SH3GL2: variants seen among roughly 807,000 people sequenced by gnomAD.
SH3GL2 encodes endophilin-A1.
A neutral mutation model predicts 46.0 loss-of-function variants in SH3GL2; 24 were observed. That is an observed-to-expected ratio of 0.52 (90% CI 0.38 to 0.73). The LOEUF (loss-of-function observed/expected upper bound fraction) is 0.73, where lower values mean the gene tolerates loss of function less well. Among genes scored for constraint, SH3GL2 ranks in the 30% least tolerant of loss-of-function variants. SH3GL2 has a pLI of 0.00. For missense variants in SH3GL2, 413 were observed against 424.2 expected, an observed-to-expected ratio of 0.97 and a Z score of 0.23; for synonymous variants, 196 against 147.1, an observed-to-expected ratio of 1.33 and a Z score of -2.40.
At chr9:17,691,561 C>G (rs1162704308) in intron 1 of SH3GL2, among the ~76,000 whole-genome samples, 2 of 152,016 alleles carry the variant, frequency 1.3e-5, no homozygotes, top group Non-Finnish European at 2.9e-5. Context: ...GCGTATGACT[C>G]CCACATGTTG....
chr9:17,695,208 C>A (rs1821173353), intron 1 of SH3GL2, among the ~76,000 whole-genome samples: 1 of 152,040 alleles, frequency 6.6e-6, no homozygotes, highest in South Asian at 2.1e-4. Context: ...TGTCTTGTAG[C>A]ATAAGATGAA....
chr9:17,689,472 T>G (rs1344554877), intron 1 of SH3GL2, among the ~76,000 whole-genome samples: 1 of 152,094 alleles, frequency 6.6e-6, no homozygotes, highest in African/African-American at 2.4e-5. Context: ...ACAGTGCTAA[T>G]AAGAGGGGAC....
chr9:17,738,661 G>GAGAGAGAC (rs1554645346), intron 1 of SH3GL2, among the ~76,000 whole-genome samples: 9,223 of 131,958 alleles, frequency 0.07, 438 homozygotes, highest in South Asian at 0.097. Flanking sequence ...GAGAGAGAGA[G>GAGAGAGAC]AGAGAGAGAG....
intron 1 of SH3GL2, among the ~76,000 whole-genome samples, chr9:17,644,479 A>G (rs1202398242): frequency 1.3e-5 from 2 of 152,072 alleles, no homozygotes; most frequent in East Asian, 3.9e-4. Flanking sequence ...CTATAAATTT[A>G]CCTGTAAACA....
At chr9:17,587,035 C>G (rs576944123) in intron 1 of SH3GL2, among the ~76,000 whole-genome samples, 52 of 152,182 alleles carry the variant, frequency 3.4e-4, no homozygotes, top group Non-Finnish European at 7.4e-4. Flanking sequence ...AACCTCGTCT[C>G]TACTAAAAAT....
Position 17,760,727 on chromosome 9 carries a change from A to T in SH3GL2, c.115-710A>T, listed in dbSNP as rs186660926. ...TCATTTACCATGTAGGGCGAATAGGAGGCCCACAGATGCTGATAAGAAAAG... is the reference window on the plus strand; with the variant it reads ...TCATTTACCATGTAGGGCGAATAGGTGGCCCACAGATGCTGATAAGAAAAG... On this transcript the variant is annotated intron_variant, in intron 2 of 8. Transcript: ENST00000380607. Among the ~76,000 whole-genome samples the T allele has an allele frequency of 7.9e-5, 12 of 152,316 alleles. No homozygotes were observed. In the East Asian group the frequency reaches 2.3e-3, roughly 29 times the overall value.
chr9:17,736,708 G>A (rs754748180), intron 1 of SH3GL2, among the ~76,000 whole-genome samples: 1 of 152,124 alleles, frequency 6.6e-6, no homozygotes, highest in Non-Finnish European at 1.5e-5. Context: ...TCGGCTTGCA[G>A]TTTGTCCCTG....
At chr9:17,629,588 TAA>T (rs1293262357) in intron 1 of SH3GL2, among the ~76,000 whole-genome samples, 2 of 152,344 alleles carry the variant, frequency 1.3e-5, no homozygotes, top group South Asian at 2.1e-4. Context: ...TTTTCCTAAC[TAA>T]AGGATTGTTT....
At chr9:17,590,479 A>G (rs1437159327) in intron 1 of SH3GL2, 1 of 152,252 alleles carries the variant, frequency 6.6e-6, no homozygotes, top group Non-Finnish European at 1.5e-5. Flanking sequence ...AAACAGTAAA[A>G]CTGTTTTCCA....
chr9:17,610,522 G>A (rs1040939806), intron 1 of SH3GL2, among the ~76,000 whole-genome samples: 4 of 152,204 alleles, frequency 2.6e-5, no homozygotes, highest in African/African-American at 9.7e-5. Flanking sequence ...TAAGATCATT[G>A]TTTAACATTG....
At chr9:17,646,296 G>C (rs1819815582) in intron 1 of SH3GL2, among the ~76,000 whole-genome samples, 1 of 151,892 alleles carries the variant, frequency 6.6e-6, no homozygotes, top group African/African-American at 2.4e-5. Flanking sequence ...AAAGTTCTTA[G>C]CTTCCTTGCA....
intron 1 of SH3GL2, among the ~76,000 whole-genome samples, chr9:17,679,917 A>G (rs1201314648): frequency 6.6e-6 from 1 of 152,132 alleles, no homozygotes; most frequent in Non-Finnish European, 1.5e-5. Context: ...TTCTGTTTAT[A>G]TGCTGGATTA....
intron 1 of SH3GL2, among the ~76,000 whole-genome samples, chr9:17,740,135 A>T (rs981945330): frequency 6.6e-6 from 1 of 152,122 alleles, no homozygotes; most frequent in Non-Finnish European, 1.5e-5. Context: ...CAATTTTTTG[A>T]TAGTGAGAAA....
intron 1 of SH3GL2, among the ~76,000 whole-genome samples, chr9:17,711,345 T>C (rs1276261800): frequency 2.0e-5 from 3 of 152,030 alleles, no homozygotes; most frequent in African/African-American, 7.2e-5. Flanking sequence ...ACTGTACTTA[T>C]TTAAAGCATA....
chr9:17,755,334 G>A (rs1188122932), intron 2 of SH3GL2, among the ~76,000 whole-genome samples: 2 of 152,162 alleles, frequency 1.3e-5, no homozygotes, highest in Non-Finnish European at 2.9e-5. Context: ...CAGGGATAAA[G>A]CCTACTTGAT....
chr9:17,680,112 C>G (rs1457657821), intron 1 of SH3GL2, among the ~76,000 whole-genome samples: 1 of 151,854 alleles, frequency 6.6e-6, no homozygotes, highest in Non-Finnish European at 1.5e-5. Context: ...TGTCTCTGCC[C>G]GGCTTTGGTA....
chr9:17,761,433 T>G lies in SH3GL2; in HGVS notation c.115-4T>G, dbSNP rs1459960172. ...CATTTAGAGCACTTATTTTCTCATT[T>G]CAGAAAGTGGATGTCACCAGCAGGG... On this transcript the variant is annotated splice_region_variant and splice_polypyrimidine_tract_variant and intron_variant, in intron 2 of 8. Transcript: ENST00000380607. The G allele has an allele frequency of 6.3e-7, 1 of 1,592,298 alleles. No individual in the cohort carries two copies. The highest frequency in any genetic ancestry group is 2.2e-5 in the East Asian group (1 of 44,790).
At chr9:17,630,011 A>G (rs1486688560) in intron 1 of SH3GL2, among the ~76,000 whole-genome samples, 1 of 152,218 alleles carries the variant, frequency 6.6e-6, no homozygotes, top group Non-Finnish European at 1.5e-5. Context: ...TTACTGGAGC[A>G]GAATATCTTG....
intron 1 of SH3GL2, among the ~76,000 whole-genome samples, chr9:17,693,113 A>C (rs983147738): frequency 2.0e-5 from 3 of 152,182 alleles, no homozygotes; most frequent in African/African-American, 7.2e-5. Flanking sequence ...ATGCCACTGT[A>C]TTGTCCATTG....
Sources: gnomAD v4.1 joint callset for allele counts (sites outside exome capture counted in the v4.1 genomes callset) on GRCh38, gnomAD v4.1.1 for gene constraint, MANE v1.5 for transcripts, NCBI Gene and HGNC (gene_info 2026-07-23, HGNC 2026-07-21) for gene names.